Variants in DEFB1 observed in about 807,000 individuals in gnomAD.
DEFB1 encodes the protein defensin beta 1.
A neutral mutation model predicts 2.6 loss-of-function variants in DEFB1; 4 were observed. The ratio of observed to expected loss-of-function variants is 1.53; its 90% CI spans 0.76 to 3.51. The LOEUF (loss-of-function observed/expected upper bound fraction) is 3.51. Ranked by LOEUF, DEFB1 falls within the 30% of genes most tolerant of loss-of-function variation. The pLI, the probability that DEFB1 is intolerant of heterozygous loss-of-function variation, is 0.01. For missense variants in DEFB1, 162 were observed against 76.9 expected, an observed-to-expected ratio of 2.11 and a Z score of -4.14; for synonymous variants, 56 against 28.5, an observed-to-expected ratio of 1.96 and a Z score of -3.07.
At chr8:6,874,942 A>T (rs937370106) in intron 1 of DEFB1, among the ~76,000 whole-genome samples, 4 of 151,734 alleles carry the variant, frequency 2.6e-5, no homozygotes, top group African/African-American at 9.7e-5. Flanking sequence ...AGATTGTGCC[A>T]CTGCACTACA....
At chr8:6,872,286 T>A (rs1386541875) in intron 1 of DEFB1, among the ~76,000 whole-genome samples, 5 of 152,206 alleles carry the variant, frequency 3.3e-5, no homozygotes, top group Non-Finnish European at 7.3e-5. Context: ...CCATCCAATA[T>A]GGCAGCCACA....
At chr8:6,875,222 C>G (rs1192651291) in intron 1 of DEFB1, among the ~76,000 whole-genome samples, 3 of 151,982 alleles carry the variant, frequency 2.0e-5, no homozygotes, top group South Asian at 4.2e-4. Context: ...TCTTCTTAAA[C>G]AAGATAGAAA....
At chr8:6,875,520 A>G (rs976311880) in intron 1 of DEFB1, among the ~76,000 whole-genome samples, 1 of 152,236 alleles carries the variant, frequency 6.6e-6, no homozygotes, top group Non-Finnish European at 1.5e-5. Context: ...AAAAGGGCCC[A>G]ACTTATTATT....
chr8:6,875,831 C>G (rs1002109113), intron 1 of DEFB1, among the ~76,000 whole-genome samples: 2 of 151,148 alleles, frequency 1.3e-5, no homozygotes, highest in African/African-American at 4.9e-5. Flanking sequence ...CCAAGCTGTA[C>G]TATTCAACCT....
intron 1 of DEFB1, among the ~76,000 whole-genome samples, chr8:6,871,657 C>T (rs150964845): frequency 8.6e-4 from 131 of 152,282 alleles, no homozygotes; most frequent in African/African-American, 3.0e-3. Flanking sequence ...TAAACACGGT[C>T]ATTGGGGTGT....
Position 6,873,621 on chromosome 8 carries a change from A to G in DEFB1, c.62-2795T>C, listed in dbSNP as rs5743471. On this transcript the variant is annotated intron_variant, in intron 1 of 1. Transcript: ENST00000297439. ...ACACAGGAAAAGAAAGCCAAGTACC[A>G]CATGTTCTCAGTTATAAGTGGGGGC... Among the ~76,000 whole-genome samples, 314 of 152,324 alleles carry G rather than the reference A, an allele frequency of 2.1e-3. 3 individuals are homozygous for G. The highest frequency in any genetic ancestry group is 7.3e-3 in the African/African-American group (302 of 41,560).
rs1169712310 is a variant in DEFB1 at position 6,872,169 on chromosome 8, A to G, written c.62-1343T>C. On this transcript the variant is annotated intron_variant, in intron 1 of 1. Transcript: ENST00000297439. The stretch of plus-strand genomic sequence containing the variant: ...TGGATGTGTTTAAGTTGGCCAGTAC[A>G]CTTCCCAAAGTTTGAAGCCTGGTAT... Among the ~76,000 whole-genome samples the G allele has an allele frequency of 6.6e-5, 10 of 151,870 alleles. No homozygotes were observed. The East Asian group carries it at 2.0e-3, about 30-fold the overall frequency.
At chr8:6,877,723 C>A in intron 1 of DEFB1, 74 bp downstream of exon 1, 2 of 1,343,628 alleles carry the variant, frequency 1.5e-6, no homozygotes, top group Admixed American at 3.5e-5. Flanking sequence ...ACGGAGGCAG[C>A]CATCCGAGAC....
intron 1 of DEFB1, among the ~76,000 whole-genome samples, chr8:6,876,662 G>A (rs1306813368): frequency 6.6e-6 from 1 of 151,776 alleles, no homozygotes; most frequent in Non-Finnish European, 1.5e-5. Context: ...AATTAGCCAG[G>A]TGTGGTGGTG....
chr8:6,871,600 A>G (rs2741125), intron 1 of DEFB1, among the ~76,000 whole-genome samples: 74,195 of 151,926 alleles, frequency 0.49, 18,299 homozygotes, highest in African/African-American at 0.54. Flanking sequence ...AGTGCCTCAG[A>G]AGGTGATTGT....
At chr8:6,874,935 T>C (rs978651370) in intron 1 of DEFB1, among the ~76,000 whole-genome samples, 7 of 151,720 alleles carry the variant, frequency 4.6e-5, no homozygotes, top group Non-Finnish European at 7.4e-5. Flanking sequence ...TTAGCCAAGA[T>C]TGTGCCACTG....
rs1156309345 is a variant in DEFB1, at chr8:6,870,744, G to C, written c.144C>G (p.Ala48=). The C allele has an allele frequency of 2.5e-6, 4 of 1,614,230 alleles. No individual in the cohort carries two copies. Among genetic ancestry groups the C allele is most frequent in the Non-Finnish European group, 3.4e-6 (4 of 1,180,044 alleles). Residue 48 remains alanine, a synonymous_variant, in exon 2 of 2, where the codon GCC becomes GCG. Transcript: ENST00000297439. The stretch of plus-strand genomic sequence containing the variant: ...CTTGAATTTTGGTAAAGATCGGGCA[G>C]GCAGAATAGAGACATTGCCCTCCAC... The part of the protein sequence containing the change: ...VSSGGQCLYS[A]CPIFTKIQGT...
chr8:6,874,007 C>G (rs5743467), intron 1 of DEFB1, among the ~76,000 whole-genome samples: 28,450 of 152,118 alleles, frequency 0.19, 3,304 homozygotes, highest in Middle Eastern at 0.26. Flanking sequence ...GTGTCTGTTT[C>G]TCTTACGTGC....
At position 6,876,845 on chromosome 8, in the gene DEFB1, CA is replaced by C. The variant is rs34563802; in HGVS notation, c.61+951del. Among the ~76,000 whole-genome samples, 390 of 57,934 alleles carry C rather than the reference CA, an allele frequency of 6.7e-3. 3 individuals are homozygous for C. The highest frequency in any genetic ancestry group is 0.036 in the African/African-American group (362 of 10,072). 38.0% of individuals were successfully genotyped at this position (57,934 alleles called of 152,430 possible). A position where few individuals can be genotyped will look rare whatever the true frequency, so the allele number is the denominator to read the frequency against. On this transcript the variant is annotated intron_variant, in intron 1 of 1. Transcript: ENST00000297439. ...AAAACAAAAACCAAAAACCAAAAAC[CA>C]AAAAAAAAAACAAAAAAACAAAATC...
chr8:6,877,156 G>A (rs1178051564), intron 1 of DEFB1, among the ~76,000 whole-genome samples: 2 of 152,154 alleles, frequency 1.3e-5, no homozygotes. Flanking sequence ...ACATGTTCCC[G>A]ATTCCTCCTG....
At chr8:6,871,673 G>C (rs570113819) in intron 1 of DEFB1, among the ~76,000 whole-genome samples, 16 of 152,284 alleles carry the variant, frequency 1.1e-4, no homozygotes, top group Admixed American at 5.9e-4. Context: ...GGTGTGCTCT[G>C]ATCCATAAGA....
At chr8:6,875,534 C>T (rs914043994) in intron 1 of DEFB1, among the ~76,000 whole-genome samples, 6 of 152,104 alleles carry the variant, frequency 3.9e-5, no homozygotes, top group South Asian at 4.1e-4. Context: ...TATTATTTAT[C>T]AGGGAAATGC....
intron 1 of DEFB1, among the ~76,000 whole-genome samples, chr8:6,874,099 A>G (rs1022805783): frequency 6.6e-6 from 1 of 151,578 alleles, no homozygotes; most frequent in Non-Finnish European, 1.5e-5. Flanking sequence ...CCCAAAAAGA[A>G]CAGCTAGAAT....
chr8:6,870,664 T>C lies in DEFB1; in HGVS notation c.*17A>G, dbSNP rs1800969. ...GTTCATTTCACTTCTGCGTCATTTCTTCTGGTCACTCCCAGCTCACTTGCA... is the reference window on the plus strand; with the variant it reads ...GTTCATTTCACTTCTGCGTCATTTCCTCTGGTCACTCCCAGCTCACTTGCA... On this transcript the variant is annotated 3_prime_UTR_variant, in exon 2 of 2. Transcript: ENST00000297439. 2.8e-3 allele frequency: 4,445 copies of C among 1,603,150 alleles called. 92 individuals are homozygous for C. In the African/African-American group the frequency reaches 0.045, roughly 16 times the overall value.
Sources: gnomAD v4.1 joint callset for allele counts (sites outside exome capture counted in the v4.1 genomes callset) on GRCh38, gnomAD v4.1.1 for gene constraint, MANE v1.5 for transcripts, NCBI Gene and HGNC (gene_info 2026-07-23, HGNC 2026-07-21) for gene names.